TYSND1: variants seen among roughly 807,000 people sequenced by gnomAD.
TYSND1 encodes the protein peroxisomal leader peptide-processing protease.
Under a neutral mutation model 37.2 loss-of-function variants are expected in TYSND1, and 30 were observed. The ratio of observed to expected loss-of-function variants is 0.81; its 90% confidence interval spans 0.60 to 1.09. The LOEUF (loss-of-function observed/expected upper bound fraction) is 1.09. Among genes scored for constraint, TYSND1 ranks in the 50% least tolerant of loss-of-function variants. The pLI is 0.00. For missense variants in TYSND1, 806 were observed against 817.4 expected, an observed-to-expected ratio of 0.99 and a Z score of 0.17; for synonymous variants, 364 against 383.8, an observed-to-expected ratio of 0.95 and a Z score of 0.60.
In TYSND1 at chr10:70,138,765, C is replaced by T. The variant is rs2136679430; in HGVS notation, c.*1159G>A. ...GAGGGCCAGTCTGGCAGGACCGTAT[C>T]CCGTGAGCTCACACCCTGCTGAGAA... is the stretch of plus-strand genomic sequence containing the variant. On this transcript the variant is annotated 3_prime_UTR_variant, in exon 4 of 4. Transcript: ENST00000287078. The T allele has an allele frequency of 6.6e-6, 1 of 152,444 alleles. No homozygotes were observed. Among genetic ancestry groups the T allele is most frequent in the South Asian group, 2.1e-4 (1 of 4,828 alleles). 9.4% of individuals were successfully genotyped at this position (152,444 alleles called of 1,614,324 possible).
At chr10:70,141,650 G>A (rs868197759) in intron 3 of TYSND1, among the ~76,000 whole-genome samples, 7 of 151,982 alleles carry the variant, frequency 4.6e-5, no homozygotes, top group East Asian at 3.8e-4. Flanking sequence ...TACTTCTGAC[G>A]TTCACCTTGA....
intron 2 of TYSND1, among the ~76,000 whole-genome samples, chr10:70,143,366 C>T (rs969274513): frequency 6.6e-6 from 1 of 152,164 alleles, no homozygotes; most frequent in African/African-American, 2.4e-5. Flanking sequence ...ATTTCAAAGA[C>T]GTGGAAAATG....
At position 70,145,409 on chromosome 10, in the gene TYSND1, C is replaced by T. The variant is rs1839166560; in HGVS notation, c.1166+12G>A. On this transcript the variant is annotated intron_variant, in intron 1 of 3. Coordinates refer to ENST00000287078, the MANE Select transcript of TYSND1 (RefSeq NM_173555.4). ...GGAAAGGGATGAAGTGGCGTCAGCCCTGCGGGCTTACTTGGGGGTGGTGGA... is the reference window on the plus strand; with the variant it reads ...GGAAAGGGATGAAGTGGCGTCAGCCTTGCGGGCTTACTTGGGGGTGGTGGA... The T allele has an allele frequency of 2.8e-6, 4 of 1,410,364 alleles. No homozygotes were observed. Among genetic ancestry groups the T allele is most frequent in the Non-Finnish European group, 3.7e-6 (4 of 1,080,178 alleles). The allele number at this position is 1,410,364 out of a possible 1,614,324, so 87.4% of individuals were successfully genotyped here. A position where few individuals can be genotyped will look rare whatever the true frequency, so the allele number is the denominator to read the frequency against.
intron 1 of TYSND1, chr10:70,144,500 T>C (rs1055561038): frequency 1.0e-6 from 1 of 989,206 alleles, no homozygotes; most frequent in Non-Finnish European, 1.2e-6. Context: ...AACACTTCTG[T>C]AGCACACGAC....
In TYSND1 at chr10:70,146,312, G is replaced by A; in HGVS notation, c.275C>T (p.Ala92Val). ...RLHVQWAPTA[A>V]GPGGGAERGR... ...CCGCTCCGCGCCGCCCCCGGGACCC[G>A]CGGCCGTTGGGGCCCACTGCACGTG... is the stretch of plus-strand genomic sequence containing the variant. The change falls in exon 1 of 4, where the codon GCG (alanine) becomes GTG (valine). Residue 92 changes from alanine (A) to valine (V), a missense_variant. By Grantham distance (64) the Ala-to-Val change is moderately conservative. Coordinates refer to ENST00000287078, the MANE Select transcript of TYSND1 (RefSeq NM_173555.4). 1.4e-5 allele frequency: 21 copies of A among 1,500,204 alleles called. No individual in the cohort carries two copies. Among genetic ancestry groups the A allele is most frequent in the Non-Finnish European group, 1.9e-5 (21 of 1,133,022 alleles). The allele number at this position is 1,500,204 out of a possible 1,614,324, so 92.9% of individuals were successfully genotyped here.
chr10:70,146,503 C>T lies in TYSND1; in HGVS notation c.84G>A (p.Glu28=), dbSNP rs1382090883. The T allele has an allele frequency of 6.3e-7, 1 of 1,592,548 alleles. No individual in the cohort carries two copies. Among genetic ancestry groups the T allele is most frequent in the Non-Finnish European group, 8.5e-7 (1 of 1,175,642 alleles). ...CCCCGCTGCAGCTCCACGGGCCCGC[C>T]TCGGGCTGTCCGGCCCGGGAGGCGC... ...MVSASRAGQP[E]AGPWSCSGVI... The change falls in exon 1 of 4, where the codon GAG becomes GAA. Residue 28 remains glutamate, a synonymous_variant. Transcript: ENST00000287078.
At position 70,145,590 on chromosome 10, in the gene TYSND1, C is replaced by A. The variant is rs1280024247; in HGVS notation, c.997G>T (p.Gly333Cys). 8 of 1,456,248 alleles carry A rather than the reference C, an allele frequency of 5.5e-6. No individual in the cohort carries two copies. The highest frequency in any genetic ancestry group is 7.2e-6 in the Non-Finnish European group (8 of 1,108,574). The allele number at this position is 1,456,248 out of a possible 1,614,324, so 90.2% of individuals were successfully genotyped here. ...LLPPEVGVPWGLPLRDSGPLW... is the reference protein window; with the variant it reads ...LLPPEVGVPWCLPLRDSGPLW... ...GGCCCGGAGTCTCGGAGGGGCAGAC[C>A]CCACGGGACGCCCACCTCTGGCGGC... The change falls in exon 1 of 4, where the codon GGT (glycine) becomes TGT (cysteine). Residue 333 changes from glycine (G) to cysteine (C), a missense_variant. This residue lies in a region of TYSND1 where 708 missense variants were observed against 705.4 expected (regional missense o/e 1.00). Coordinates refer to ENST00000287078, the MANE Select transcript of TYSND1 (RefSeq NM_173555.4).
chr10:70,139,934 C>G lies in TYSND1; in HGVS notation c.1691G>C (p.Ser564Thr), dbSNP rs963762782. Residue 564 changes from serine (S) to threonine (T), a missense_variant, in exon 4 of 4, where the codon AGC (serine) becomes ACC (threonine). Ser to Thr is a moderately conservative substitution (Grantham distance 58, BLOSUM62 1). Around this residue, in one of 3 missense-constraint regions of TYSND1, gnomAD observed 708 missense variants for 705.4 expected, o/e 1.00. Transcript: ENST00000287078. ...LQRPLAEAPR[S>T]KL ...GGTGGTAACACAGCCTCAGAGCTTGCTCCGCGGGGCCTCTGCCAGGGGCCG... is the reference window on the plus strand; with the variant it reads ...GGTGGTAACACAGCCTCAGAGCTTGGTCCGCGGGGCCTCTGCCAGGGGCCG... The G allele has an allele frequency of 1.9e-6, 3 of 1,612,414 alleles. No homozygotes were observed. Among genetic ancestry groups the G allele is most frequent in the Non-Finnish European group, 2.5e-6 (3 of 1,179,502 alleles).
rs961308296 is a variant in TYSND1 at position 70,145,619 on chromosome 10, A to C, written c.968T>G (p.Leu323Arg). The change falls in exon 1 of 4, where the codon CTT (leucine) becomes CGT (arginine). Residue 323 changes from leucine to arginine, a missense_variant. Around this residue, in one of 3 missense-constraint regions of TYSND1, gnomAD observed 708 missense variants for 705.4 expected, o/e 1.00. Coordinates refer to ENST00000287078, the MANE Select transcript of TYSND1 (RefSeq NM_173555.4). ...CGGGACGCCCACCTCTGGCGGCAGA[A>C]GGGCGGCCAGGGCAGCGGTGCTGTG... ...LPHSTAALAA[L>R]LPPEVGVPWG... The C allele has an allele frequency of 7.0e-7, 1 of 1,430,750 alleles. No homozygotes were observed. 88.6% of individuals were successfully genotyped at this position (1,430,750 alleles called of 1,614,324 possible).
intron 1 of TYSND1, chr10:70,144,526 C>G (rs999634602): frequency 2.0e-6 from 2 of 987,528 alleles, no homozygotes; most frequent in African/African-American, 3.5e-5. Flanking sequence ...AGGCTCCGTT[C>G]CACGACATTC....
chr10:70,144,336 C>T, intron 1 of TYSND1: 1 of 475,530 alleles, frequency 2.1e-6, no homozygotes, highest in Non-Finnish European at 2.8e-6. Context: ...CAGAGACGCT[C>T]AGTAACATTC....
In TYSND1 at chr10:70,145,642, G is replaced by A. The variant is rs1461924154; in HGVS notation, c.945C>T (p.His315=). ...GAAGGGCGGCCAGGGCAGCGGTGCT[G>A]TGCGGCAGGCGGTGAAGCGCGTCGC... ...AARDALHRLP[H]STAALAALLP... is the part of the protein sequence containing the mutation. The change falls in exon 1 of 4, where the codon CAC becomes CAT. Residue 315 remains histidine, a synonymous_variant. Transcript: ENST00000287078. 2.8e-6 allele frequency: 4 copies of A among 1,406,830 alleles called. No homozygotes were observed. In the East Asian group the frequency reaches 8.9e-5, roughly 31 times the overall value. The allele number at this position is 1,406,830 out of a possible 1,614,324, so 87.1% of individuals were successfully genotyped here. A position where few individuals can be genotyped will look rare whatever the true frequency, so the allele number is the denominator to read the frequency against.
At chr10:70,141,510 C>T (rs1021834822) in intron 3 of TYSND1, among the ~76,000 whole-genome samples, 2 of 151,966 alleles carry the variant, frequency 1.3e-5, no homozygotes, top group Admixed American at 6.6e-5. Context: ...AAAATGAATG[C>T]GGTTTTTGTC....
rs747866541 is a variant in TYSND1, at chr10:70,140,131, G to C, written c.1494C>G (p.Thr498=). The C allele has an allele frequency of 6.2e-7, 1 of 1,609,420 alleles. No individual in the cohort carries two copies. The highest frequency in any genetic ancestry group is 8.5e-7 in the Non-Finnish European group (1 of 1,176,696). ...CCGTATTATTGTCCCGGGTGTTGCT[G>C]GTGATTATGCCTGTTGAGGAGTCAG... ...NHSGNLLGII[T]SNTRDNNTGA... Residue 498 remains threonine, a synonymous_variant, in exon 4 of 4, where the codon ACC becomes ACG. Transcript: ENST00000287078.
rs913802116 is a variant in TYSND1 at position 70,146,634 on chromosome 10, A to T, written c.-48T>A. 1.4e-6 allele frequency: 2 copies of T among 1,454,554 alleles called. No individual in the cohort carries two copies. The highest frequency in any genetic ancestry group is 1.8e-6 in the Non-Finnish European group (2 of 1,109,074). 90.1% of individuals were successfully genotyped at this position (1,454,554 alleles called of 1,614,324 possible). ...GAGCTTCTCCGAGAAACAGCAAGCT[A>T]GCGAGCGAGGACCCCTACCCGGTCC... On this transcript the variant is annotated 5_prime_UTR_variant, in exon 1 of 4. Transcript: ENST00000287078.
chr10:70,139,897 C>A lies in TYSND1; in HGVS notation c.*27G>T. On this transcript the variant is annotated 3_prime_UTR_variant, in exon 4 of 4. Coordinates refer to ENST00000287078, the MANE Select transcript of TYSND1 (RefSeq NM_173555.4). ...CTTCCTACAGCAGAAAAAGGTCACT[C>A]TTCTTTCCAAAGGTGGTAACACAGC... 1 of 1,598,256 alleles carries A rather than the reference C, an allele frequency of 6.3e-7. No individual in the cohort carries two copies. The highest frequency in any genetic ancestry group is 2.2e-5 in the East Asian group (1 of 44,598).
chr10:70,140,290 A>G (rs1245312946), intron 3 of TYSND1, 149 bp from the exon 4 acceptor site: 12 of 621,756 alleles, frequency 1.9e-5, no homozygotes, highest in Admixed American at 3.1e-5. Context: ...GCTTCTAGAC[A>G]TGAACACCTG....
At chr10:70,141,796 G>A (rs1333181745) in intron 3 of TYSND1, among the ~76,000 whole-genome samples, 5 of 151,770 alleles carry the variant, frequency 3.3e-5, no homozygotes, top group Admixed American at 6.6e-5. Flanking sequence ...GGCTGGTCTC[G>A]AACTCCCATT....
chr10:70,144,578 C>G, intron 1 of TYSND1: 1 of 986,830 alleles, frequency 1.0e-6, no homozygotes, highest in Non-Finnish European at 1.2e-6. Context: ...GGTTAAGTGA[C>G]TTGCCCGGGA....
Sources: gnomAD v4.1 joint callset for allele counts (sites outside exome capture counted in the v4.1 genomes callset) on GRCh38, gnomAD v4.1.1 for gene constraint, gnomAD v4.1.1 regional missense constraint, MANE v1.5 for transcripts, NCBI Gene and HGNC (gene_info 2026-07-23, HGNC 2026-07-21) for gene names.